The following MME variants were observed in gnomAD, a reference collection of about 807,000 sequenced individuals.
MME encodes the protein membrane metalloendopeptidase.
A neutral mutation model predicts 113.2 loss-of-function variants in MME; 98 were observed. The ratio of observed to expected loss-of-function variants is 0.87; its 90% CI spans 0.74 to 1.02. MME has a LOEUF of 1.02. Ranked by LOEUF, MME falls within the 50% of genes least tolerant of loss-of-function variation. The pLI, the probability that MME is intolerant of heterozygous loss-of-function variation, is 0.00. For missense variants in MME, 836 were observed against 896.0 expected, an observed-to-expected ratio of 0.93 and a Z score of 0.86; for synonymous variants, 292 against 300.6, an observed-to-expected ratio of 0.97 and a Z score of 0.30.
intron 14 of MME, among the ~76,000 whole-genome samples, chr3:155,146,437 G>A (rs892297048): frequency 8.6e-5 from 13 of 151,714 alleles, no homozygotes; most frequent in Non-Finnish European, 1.3e-4. Flanking sequence ...GAAATGGGAA[G>A]ATCACTTGAG....
At chr3:155,067,029 AG>A (rs2108141214) in intron 1 of MME, among the ~76,000 whole-genome samples, 1 of 152,270 alleles carries the variant, frequency 6.6e-6, no homozygotes, top group East Asian at 1.9e-4. Context: ...GAGACTATAA[AG>A]GAACCATGAG....
At chr3:155,168,899 A>C (rs537573276) in intron 20 of MME, 102 bp downstream of exon 20, 1 of 971,800 alleles carries the variant, frequency 1.0e-6, no homozygotes, top group Admixed American at 2.3e-5. Context: ...TCATATAAGC[A>C]GTAAATGATG....
chr3:155,164,388 T>C (rs1722939976), intron 17 of MME, among the ~76,000 whole-genome samples: 1 of 152,110 alleles, frequency 6.6e-6, no homozygotes, highest in Non-Finnish European at 1.5e-5. Context: ...AATGCACAAC[T>C]AAGCAGTTGG....
rs575070899 is a variant in MME, at chr3:155,028,080, G to A, written c.-11+3756G>A. Among the ~76,000 whole-genome samples the A allele has an allele frequency of 5.4e-4, 82 of 152,224 alleles. 1 individual carries two copies. Among genetic ancestry groups the A allele is most frequent in the Middle Eastern group, 6.8e-3 (2 of 294 alleles). On this transcript the variant is annotated intron_variant, in intron 1 of 22. Coordinates refer to the MME transcript ENST00000492661. ...GGGAATGGACTCAGTGAAAGGAAAG[G>A]GGTGAGGACCATCATTTATTCATTC...
Position 155,171,342 on chromosome 3 carries a change from C to T in MME, c.1981-775C>T, listed in dbSNP as rs183601081. Among the ~76,000 whole-genome samples, 81 of 152,096 alleles carry T rather than the reference C, an allele frequency of 5.3e-4. No individual in the cohort carries two copies. In the Middle Eastern group the frequency reaches 0.01, roughly 19 times the overall value. ...TAGAGGTTCAATAAGTCTATGTTGA[C>T]GGTAAGTGGAAGAAATGAAATATAT... On this transcript the variant is annotated intron_variant, in intron 20 of 22. Coordinates refer to ENST00000360490, the MANE Select transcript of MME (RefSeq NM_007289.4).
chr3:155,107,743 C>CT (rs1717809300), intron 3 of MME, among the ~76,000 whole-genome samples: 1 of 152,320 alleles, frequency 6.6e-6, no homozygotes, highest in South Asian at 2.1e-4. Flanking sequence ...GGTGAAAAAA[C>CT]TTTGAGTCTT....
intron 10 of MME, among the ~76,000 whole-genome samples, chr3:155,140,625 C>T (rs1721006624): frequency 6.6e-6 from 1 of 151,892 alleles, no homozygotes; most frequent in South Asian, 2.1e-4. Flanking sequence ...CCAATCTGGT[C>T]TCGAACCCCT....
chr3:155,118,655 C>A (rs562506637), intron 7 of MME, 91 bp from the exon 8 acceptor site: 2 of 847,062 alleles, frequency 2.4e-6, no homozygotes, highest in Non-Finnish European at 3.9e-6. Context: ...AGAGTAGGAT[C>A]TTTCACATAC....
intron 1 of MME, among the ~76,000 whole-genome samples, chr3:155,053,844 G>A (rs1713842343): frequency 6.6e-6 from 1 of 152,180 alleles, no homozygotes; most frequent in African/African-American, 2.4e-5. Context: ...ACTACCATGG[G>A]CCCAGAAAAC....
chr3:155,126,037 AG>A (rs1376378973), intron 8 of MME, among the ~76,000 whole-genome samples: 1 of 152,210 alleles, frequency 6.6e-6, no homozygotes, highest in East Asian at 1.9e-4. Context: ...ATTCACTGTA[AG>A]GTATCTTTTT....
chr3:155,054,237 A>G (rs1713854708), intron 1 of MME, among the ~76,000 whole-genome samples: 2 of 151,798 alleles, frequency 1.3e-5, no homozygotes, highest in African/African-American at 4.8e-5. Context: ...TCCTTCTTTA[A>G]TCGTTTTTAT....
chr3:155,024,619 T>C (rs1185750959), intron 1 of MME, among the ~76,000 whole-genome samples: 2 of 152,210 alleles, frequency 1.3e-5, no homozygotes, highest in East Asian at 3.8e-4. Context: ...ATCATTCCAC[T>C]TTTTCTGCTA....
chr3:155,106,057 A>T (rs1020805145), intron 3 of MME, among the ~76,000 whole-genome samples: 2 of 152,214 alleles, frequency 1.3e-5, no homozygotes, highest in African/African-American at 2.4e-5. Flanking sequence ...TATATATGAA[A>T]TATAGTTATA....
At chr3:155,143,372 A>T in intron 12 of MME, 71 bp from the exon 13 acceptor site, 1 of 1,561,576 alleles carries the variant, frequency 6.4e-7, no homozygotes, top group South Asian at 1.1e-5. Context: ...GACATTTGTG[A>T]AATGTGTGCT....
At chr3:155,061,532 A>T (rs1714146910) in intron 1 of MME, among the ~76,000 whole-genome samples, 1 of 152,138 alleles carries the variant, frequency 6.6e-6, no homozygotes, top group African/African-American at 2.4e-5. Context: ...GGGAAAGCTA[A>T]AACTTTTAAC....
chr3:155,049,265 G>T (rs755926711), intron 1 of MME, among the ~76,000 whole-genome samples: 3 of 152,062 alleles, frequency 2.0e-5, no homozygotes, highest in Non-Finnish European at 2.9e-5. Context: ...GCCGGATTAG[G>T]ATGCACCCCA....
At chr3:155,169,273 G>A (rs1004623168) in intron 20 of MME, among the ~76,000 whole-genome samples, 2 of 152,178 alleles carry the variant, frequency 1.3e-5, no homozygotes, top group African/African-American at 4.8e-5. Context: ...ATATGATACA[G>A]TAAGGGACTG....
chr3:155,052,106 A>G (rs1359934897), intron 1 of MME, among the ~76,000 whole-genome samples: 1 of 152,194 alleles, frequency 6.6e-6, no homozygotes, highest in Non-Finnish European at 1.5e-5. Context: ...TATCCAGGTC[A>G]TGCTGATGTA....
intron 10 of MME, 118 bp downstream of exon 10, chr3:155,140,410 C>CTTTTTTTTTTTTT (rs35653282): frequency 4.6e-6 from 1 of 215,666 alleles, no homozygotes; most frequent in Non-Finnish European, 8.3e-6. Context: ...ACTTCAATTC[C>CTTTTTTTTTTTTT]TTTTTTTTTT....
Sources: gnomAD v4.1 joint callset for allele counts (sites outside exome capture counted in the v4.1 genomes callset) on GRCh38, gnomAD v4.1.1 for gene constraint, MANE v1.5 for transcripts, NCBI Gene and HGNC (gene_info 2026-07-23, HGNC 2026-07-21) for gene names.